Variants in F13A1 observed in about 807,000 individuals in gnomAD.
F13A1 encodes the protein FSF, A subunit.
In F13A1, 47 loss-of-function variants were observed where a neutral mutation model predicts 80.1. The observed-to-expected ratio is 0.59, with a 90% CI of 0.46 to 0.75. The LOEUF (loss-of-function observed/expected upper bound fraction) is 0.75, where lower values mean the gene tolerates loss of function less well. Among genes scored for constraint, F13A1 ranks in the 30% least tolerant of loss-of-function variants. F13A1 has a pLI of 0.00. For missense variants in F13A1, 817 were observed against 930.4 expected (o/e 0.88, Z 1.59); for synonymous variants, 349 against 344.9 (o/e 1.01, Z -0.13).
rs35484963 is a variant in F13A1, at chr6:6,250,411, TAAA to T, written c.690+397_690+399del. Among the ~76,000 whole-genome samples, 1 of 144,822 alleles carries T rather than the reference TAAA, an allele frequency of 6.9e-6. No homozygotes were observed. The highest frequency in any genetic ancestry group is 1.5e-5 in the Non-Finnish European group (1 of 65,530). On this transcript the variant is annotated intron_variant, in intron 5 of 14. Coordinates refer to ENST00000264870, the MANE Select transcript of F13A1 (RefSeq NM_000129.4). This position sits in a 1 kb window ranked among gnomAD's most constrained non-coding sequence, Gnocchi z 4.2. ...ATTAGCAGTACCCTAGGCTAACACT[TAAA>T]AAAAAAAAAAAAGAAGCTATTTCTT...
chr6:6,167,602 C>G lies in F13A1; in HGVS notation c.1764G>C (p.Val588=), dbSNP rs747650542. Residue 588 remains valine (V), a synonymous_variant, in exon 13 of 15, where the codon GTG becomes GTC. Transcript: ENST00000264870. ...LEPLSFKKEA[V]LIQAGEYMGQ... ...CCATGTACTCGCCGGCTTGGATCAG[C>G]ACCGCCTCTTTCTTGACTAGTAGGA... 1 of 1,613,650 alleles carries G rather than the reference C, an allele frequency of 6.2e-7. No individual in the cohort carries two copies. The highest frequency in any genetic ancestry group is 1.7e-5 in the Admixed American group (1 of 60,010).
chr6:6,218,462 A>G (rs1299771734), intron 8 of F13A1, among the ~76,000 whole-genome samples: 1 of 152,216 alleles, frequency 6.6e-6, no homozygotes, highest in Non-Finnish European at 1.5e-5. Flanking sequence ...TTCAGAACTC[A>G]TCAGCACGCT....
chr6:6,168,652 T>G (rs1268630286), intron 12 of F13A1, among the ~76,000 whole-genome samples: 3 of 152,372 alleles, frequency 2.0e-5, no homozygotes, highest in East Asian at 1.9e-4. Context: ...TTCTGGCTTT[T>G]GCCAAAGACT....
chr6:6,249,110 C>T (rs1048186604), intron 5 of F13A1, among the ~76,000 whole-genome samples: 1 of 152,184 alleles, frequency 6.6e-6, no homozygotes, highest in African/African-American at 2.4e-5. Context: ...GATCAAATAG[C>T]AAGACAGGAA....
chr6:6,179,179 G>A (rs1760935406), intron 11 of F13A1, among the ~76,000 whole-genome samples: 1 of 152,232 alleles, frequency 6.6e-6, no homozygotes, highest in Admixed American at 6.5e-5. Context: ...GGAAGTAACT[G>A]AAGGAGCAAA....
At chr6:6,307,898 G>A (rs1309066517) in intron 2 of F13A1, among the ~76,000 whole-genome samples, 1 of 151,752 alleles carries the variant, frequency 6.6e-6, no homozygotes, top group African/African-American at 2.4e-5. Flanking sequence ...TCCTCGTTCT[G>A]ACTTCTAGAT....
At chr6:6,309,599 GC>G (rs1230692783) in intron 2 of F13A1, among the ~76,000 whole-genome samples, 1 of 152,220 alleles carries the variant, frequency 6.6e-6, no homozygotes, top group Admixed American at 6.5e-5. Context: ...CATCACACGA[GC>G]CTTGGAGACC....
At chr6:6,216,336 T>C (rs1169828481) in intron 8 of F13A1, among the ~76,000 whole-genome samples, 6 of 151,390 alleles carry the variant, frequency 4.0e-5, no homozygotes, top group Non-Finnish European at 5.9e-5. Context: ...GAGATATAGA[T>C]CAATGGAACA....
intron 5 of F13A1, among the ~76,000 whole-genome samples, chr6:6,249,943 G>A (rs1465094314): frequency 6.6e-6 from 1 of 152,172 alleles, no homozygotes. Flanking sequence ...CAGGTAGGCA[G>A]GATAACACGG....
At chr6:6,225,518 T>G (rs188903947) in intron 6 of F13A1, among the ~76,000 whole-genome samples, 1 of 152,012 alleles carries the variant, frequency 6.6e-6, no homozygotes, top group Non-Finnish European at 1.5e-5. Flanking sequence ...CTCTCTCTCT[T>G]TCTTTCTAAG....
intron 8 of F13A1, among the ~76,000 whole-genome samples, chr6:6,213,249 G>T (rs924975607): frequency 6.6e-6 from 1 of 151,554 alleles, no homozygotes; most frequent in Non-Finnish European, 1.5e-5. Flanking sequence ...AAGTTGAAAT[G>T]AAGGAAAAAA....
chr6:6,226,421 G>C (rs1036317847), intron 6 of F13A1, among the ~76,000 whole-genome samples: 21 of 152,296 alleles, frequency 1.4e-4, no homozygotes, highest in African/African-American at 5.1e-4. Context: ...TAGAAGCACA[G>C]GTCTGAGTTA....
intron 6 of F13A1, among the ~76,000 whole-genome samples, chr6:6,239,678 A>G (rs989538495): frequency 6.6e-6 from 1 of 151,570 alleles, no homozygotes; most frequent in African/African-American, 2.4e-5. Flanking sequence ...TATTTTACTA[A>G]TTGACAATAA....
rs1760667950 is a variant in F13A1, at chr6:6,166,159, AG to A, written c.1908+1298del. 2.0e-5 allele frequency among the ~76,000 whole-genome samples: 3 copies of A among 152,346 alleles called. No individual in the cohort carries two copies. The South Asian group carries it at 6.2e-4, about 32-fold the overall frequency. On this transcript the variant is annotated intron_variant, in intron 13 of 14. Transcript: ENST00000264870. Reference sequence around the variant, plus strand: ...CCATTTGCTGGCTGTATGGCCTTGGAGGAGTTATAGAACCTCTCTGTGCTTC... The same window carrying A: ...CCATTTGCTGGCTGTATGGCCTTGGAGAGTTATAGAACCTCTCTGTGCTTC...
At chr6:6,177,746 C>T (rs527313369) in intron 11 of F13A1, among the ~76,000 whole-genome samples, 2 of 152,320 alleles carry the variant, frequency 1.3e-5, no homozygotes, top group East Asian at 3.9e-4. Context: ...GCAGAAGGAA[C>T]ACGTGAAGAG....
At chr6:6,278,839 A>G (rs1359438970) in intron 3 of F13A1, among the ~76,000 whole-genome samples, 2 of 152,214 alleles carry the variant, frequency 1.3e-5, no homozygotes, top group Admixed American at 1.3e-4. Context: ...CTGATTGAGA[A>G]AAGCAGTCAC....
rs149036154 is a variant in F13A1 at position 6,259,337 on chromosome 6, T to C, written c.571+7221A>G. ...AGGGGCTAAAAAGACCTTATATAAATACAAAGCAAATTGGCTAAGGATGAA... is the reference window on the plus strand; with the variant it reads ...AGGGGCTAAAAAGACCTTATATAAACACAAAGCAAATTGGCTAAGGATGAA... On this transcript the variant is annotated intron_variant, in intron 4 of 14. Transcript: ENST00000264870. Among the ~76,000 whole-genome samples, 952 of 152,232 alleles carry C rather than the reference T, an allele frequency of 6.3e-3. 5 individuals carry two copies. Among genetic ancestry groups the C allele is most frequent in the African/African-American group, 0.022 (904 of 41,524 alleles).
chr6:6,186,238 T>A (rs1410752583), intron 10 of F13A1, among the ~76,000 whole-genome samples: 1 of 150,864 alleles, frequency 6.6e-6, no homozygotes, highest in Non-Finnish European at 1.5e-5. Flanking sequence ...TAGATCCCAT[T>A]TGTCAATTTT....
chr6:6,197,801 G>A (rs1761317710), intron 8 of F13A1, among the ~76,000 whole-genome samples: 1 of 152,160 alleles, frequency 6.6e-6, no homozygotes, highest in South Asian at 2.1e-4. Context: ...TTTCTGGGCA[G>A]ATTCATTCTC....
Sources: allele counts gnomAD v4.1 joint callset (sites outside exome capture counted in the v4.1 genomes callset), GRCh38; gene constraint gnomAD v4.1.1; non-coding constraint Gnocchi (gnomAD v3.1); transcripts MANE v1.5; gene names NCBI Gene and HGNC (gene_info 2026-07-23, HGNC 2026-07-21).